Variants in PIK3R3 observed in about 807,000 individuals in gnomAD.
PIK3R3 encodes the protein phosphatidylinositol 3-kinase regulatory subunit gamma.
A neutral mutation model predicts 62.9 loss-of-function variants in PIK3R3; 64 were observed. The ratio of observed to expected loss-of-function variants is 1.02; its 90% CI spans 0.83 to 1.25. The LOEUF (loss-of-function observed/expected upper bound fraction) is 1.25. Ranked by LOEUF, PIK3R3 falls within the 50% of genes most tolerant of loss-of-function variation. The probability of loss-of-function intolerance (pLI) is 0.00; values close to 1 mark genes in which losing one functional copy is unlikely to be tolerated. For synonymous variants in PIK3R3, 165 were observed against 189.0 expected (o/e 0.87, Z 1.04); for missense variants, 614 against 561.6 (o/e 1.09, Z -0.94).
intron 9 of PIK3R3, 38 bp downstream of exon 9, chr1:46,045,880 A>G (rs1647102169): frequency 3.9e-6 from 6 of 1,556,842 alleles, no homozygotes; most frequent in Non-Finnish European, 5.3e-6. Flanking sequence ...AATTGATGCA[A>G]AAGATTTCAA....
At chr1:46,129,195 AAC>A (rs1655355102) in intron 1 of PIK3R3, among the ~76,000 whole-genome samples, 1 of 152,194 alleles carries the variant, frequency 6.6e-6, no homozygotes, top group Non-Finnish European at 1.5e-5. Flanking sequence ...GGGTCCTAAA[AAC>A]ACATACATAT....
intron 1 of PIK3R3, among the ~76,000 whole-genome samples, chr1:46,125,934 G>C (rs757510804): frequency 1.3e-5 from 2 of 151,836 alleles, no homozygotes; most frequent in Non-Finnish European, 2.9e-5. Context: ...CTAACTTTTT[G>C]TATTTTTAGT....
the PIK3R3 span, among the ~76,000 whole-genome samples, chr1:46,144,426 A>G: frequency 7.0e-4 from 106 of 152,336 alleles, 2 homozygotes; most frequent in South Asian, 3.9e-3. Context: ...CATATACCAT[A>G]TGTCAAAATA....
intron 1 of PIK3R3, among the ~76,000 whole-genome samples, chr1:46,121,563 G>A (rs546211131): frequency 2.6e-5 from 4 of 152,210 alleles, no homozygotes; most frequent in South Asian, 2.1e-4. Flanking sequence ...GGGAGGCTGC[G>A]GTGGGAGGAT....
At chr1:46,047,908 G>A (rs1010336345) in intron 7 of PIK3R3, among the ~76,000 whole-genome samples, 1 of 152,106 alleles carries the variant, frequency 6.6e-6, no homozygotes, top group African/African-American at 2.4e-5. Context: ...TGCCTCCAGG[G>A]TAGCTGGGAC....
At position 46,094,553 on chromosome 1, in the gene PIK3R3, G is replaced by T. The variant is rs181277072; in HGVS notation, c.107-13803C>A. Among the ~76,000 whole-genome samples the T allele has an allele frequency of 1.9e-3, 292 of 152,272 alleles. 3 individuals carry two copies. The highest frequency in any genetic ancestry group is 5.8e-3 in the Admixed American group (89 of 15,288). ...AGCTTTTACCAAGTTCATTTTAAAA[G>T]ACAATGATTAAACAAAATTTCCCCC... On this transcript the variant is annotated intron_variant, in intron 1 of 9. Transcript: ENST00000262741.
chr1:46,134,458 TC>T (rs1237576962), upstream of PIK3R3: 1 of 152,218 alleles, frequency 6.6e-6, no homozygotes, highest in African/African-American at 2.4e-5. Flanking sequence ...TCTTATTATT[TC>T]TGAAATCCAA....
the PIK3R3 span, among the ~76,000 whole-genome samples, chr1:46,161,976 C>T: frequency 2.0e-5 from 3 of 151,670 alleles, no homozygotes; most frequent in South Asian, 2.1e-4. Context: ...CCTGTAGTCC[C>T]AGCTGCTTGG....
At chr1:46,147,823 A>T in the PIK3R3 span, among the ~76,000 whole-genome samples, 2 of 152,264 alleles carry the variant, frequency 1.3e-5, no homozygotes, top group East Asian at 3.9e-4. Context: ...TTCTAACATG[A>T]TGCCTTCCAA....
At chr1:46,073,249 T>C (rs1464573172) in intron 3 of PIK3R3, among the ~76,000 whole-genome samples, 1 of 152,202 alleles carries the variant, frequency 6.6e-6, no homozygotes, top group Admixed American at 6.5e-5. Flanking sequence ...CTTTGTCAAA[T>C]GAGTCCCTTC....
chr1:46,124,850 C>G (rs546731872), intron 1 of PIK3R3, among the ~76,000 whole-genome samples: 1 of 150,204 alleles, frequency 6.7e-6, no homozygotes, highest in East Asian at 1.9e-4. Context: ...GTAATCCTAG[C>G]ACTTTGGGAG....
intron 1 of PIK3R3, among the ~76,000 whole-genome samples, chr1:46,127,904 A>G (rs1161284898): frequency 6.6e-6 from 1 of 152,220 alleles, no homozygotes; most frequent in African/African-American, 2.4e-5. Context: ...AGTTCAGTAT[A>G]TCTACTGCTG....
At chr1:46,164,909 G>T in the PIK3R3 span, among the ~76,000 whole-genome samples, 4 of 151,820 alleles carry the variant, frequency 2.6e-5, no homozygotes, top group East Asian at 7.7e-4. Flanking sequence ...ATCATATCTC[G>T]TTGCAACCTC....
At chr1:46,070,401 C>T (rs1649376481) in intron 3 of PIK3R3, among the ~76,000 whole-genome samples, 1 of 152,182 alleles carries the variant, frequency 6.6e-6, no homozygotes, top group African/African-American at 2.4e-5. Flanking sequence ...TGAAGGAGTT[C>T]TCGTCTGACT....
intron 1 of PIK3R3, among the ~76,000 whole-genome samples, chr1:46,123,114 C>A (rs1035397616): frequency 1.3e-5 from 2 of 152,070 alleles, no homozygotes; most frequent in African/African-American, 4.8e-5. Context: ...AATACAACAG[C>A]CTGACCTCAA....
At chr1:46,083,194 G>A (rs998063398) in intron 1 of PIK3R3, among the ~76,000 whole-genome samples, 6 of 152,278 alleles carry the variant, frequency 3.9e-5, no homozygotes, top group Admixed American at 3.9e-4. Flanking sequence ...GGAACAAGCA[G>A]ATATCCACAT....
At chr1:46,047,863 C>T (rs1647158875) in intron 7 of PIK3R3, among the ~76,000 whole-genome samples, 1 of 152,362 alleles carries the variant, frequency 6.6e-6, no homozygotes, top group South Asian at 2.1e-4. Context: ...TCACTGCAAC[C>T]TCCATCTCCA....
At chr1:46,112,030 C>A (rs1653787647) in intron 1 of PIK3R3, among the ~76,000 whole-genome samples, 1 of 152,076 alleles carries the variant, frequency 6.6e-6, no homozygotes, top group Non-Finnish European at 1.5e-5. Flanking sequence ...ATATTCACTT[C>A]TTATTTATTG....
chr1:46,046,652 G>GT, intron 7 of PIK3R3, 27 bp from the exon 8 acceptor site: 1 of 1,530,822 alleles, frequency 6.5e-7, no homozygotes, highest in Non-Finnish European at 9.1e-7. Context: ...ACCAGTGTCA[G>GT]TATCCATGCA....
Sources: allele counts gnomAD v4.1 joint callset (sites outside exome capture counted in the v4.1 genomes callset), GRCh38; gene constraint gnomAD v4.1.1; transcripts MANE v1.5; gene names NCBI Gene and HGNC (gene_info 2026-07-23, HGNC 2026-07-21).